The following ECPAS variants were observed in gnomAD, a reference collection of about 807,000 sequenced individuals.
The protein encoded by ECPAS is proteasome adapter and scaffold protein ECM29.
ECPAS carries 70 observed loss-of-function variants against 255.1 expected under a neutral mutation model. The ratio of observed to expected loss-of-function variants is 0.27; its 90% CI spans 0.23 to 0.33. The LOEUF (loss-of-function observed/expected upper bound fraction) is 0.33. Ranked by LOEUF, ECPAS falls within the 10% of genes least tolerant of loss-of-function variation. The probability of loss-of-function intolerance (pLI) is 1.00; values close to 1 mark genes in which losing one functional copy is unlikely to be tolerated. For synonymous variants in ECPAS, 784 were observed against 775.0 expected, an observed-to-expected ratio of 1.01 and a Z score of -0.19; for missense variants, 1,817 against 2,206.4, an observed-to-expected ratio of 0.82 and a Z score of 3.54.
chr9:111,383,351 G>A lies in ECPAS; in HGVS notation c.3682-19C>T. On this transcript the variant is annotated intron_variant, in intron 34 of 49. Transcript: ENST00000684092. ...CACAGACCTCACATACAAAGAGCAT[G>A]GACGTTAGTGAAAGTGACCGCGCAT... is the stretch of plus-strand genomic sequence containing the variant. The A allele has an allele frequency of 6.3e-7, 1 of 1,598,248 alleles. No individual in the cohort carries two copies. The highest frequency in any genetic ancestry group is 1.1e-5 in the South Asian group (1 of 89,022).
At chr9:111,465,282 G>A (rs957766700) in intron 2 of ECPAS, among the ~76,000 whole-genome samples, 6 of 152,152 alleles carry the variant, frequency 3.9e-5, no homozygotes, top group African/African-American at 1.2e-4. Context: ...GCTCATGCCT[G>A]TAATCCCAGC....
rs553353689 is a variant in ECPAS at position 111,384,690 on chromosome 9, T to C, written c.3634-121A>G. 8 of 835,796 alleles carry C rather than the reference T, an allele frequency of 9.6e-6. No individual in the cohort carries two copies. In the African/African-American group the frequency reaches 1.4e-4, roughly 14 times the overall value. 51.8% of individuals were successfully genotyped at this position (835,796 alleles called of 1,614,324 possible). A position where few individuals can be genotyped will look rare whatever the true frequency, so the allele number is the denominator to read the frequency against. ...ATTTGGTGGAAAATCTTACATTTCATATCATGTTAAAAAAATTGGTATCTC... is the reference window on the plus strand; with the variant it reads ...ATTTGGTGGAAAATCTTACATTTCACATCATGTTAAAAAAATTGGTATCTC... On this transcript the variant is annotated intron_variant, in intron 33 of 49. Transcript: ENST00000684092.
chr9:111,377,955 G>T (rs2131542911), intron 36 of ECPAS, among the ~76,000 whole-genome samples: 1 of 152,180 alleles, frequency 6.6e-6, no homozygotes. Flanking sequence ...GACCATCCTG[G>T]CTAACATGGT....
intron 2 of ECPAS, among the ~76,000 whole-genome samples, chr9:111,456,846 G>C (rs2098267554): frequency 6.6e-6 from 1 of 152,186 alleles, no homozygotes. Context: ...AGTGGAGAGG[G>C]AAGAGGCATG....
intron 2 of ECPAS, among the ~76,000 whole-genome samples, chr9:111,460,828 T>C (rs2010424036): frequency 6.6e-6 from 1 of 151,988 alleles, no homozygotes; most frequent in African/African-American, 2.4e-5. Context: ...GATTAGAAAA[T>C]ATTAATAAGA....
chr9:111,435,978 G>A (rs1015863908), intron 7 of ECPAS, among the ~76,000 whole-genome samples: 1 of 148,954 alleles, frequency 6.7e-6, no homozygotes, highest in African/African-American at 2.5e-5. Flanking sequence ...ATTAGCCACT[G>A]CGCCCGGCCT....
intron 24 of ECPAS, among the ~76,000 whole-genome samples, chr9:111,399,912 G>T (rs2098173171): frequency 6.6e-6 from 1 of 152,258 alleles, no homozygotes; most frequent in South Asian, 2.1e-4. Context: ...GCAGTCAGGT[G>T]GCCACAGGCC....
intron 18 of ECPAS, 124 bp from the exon 19 acceptor site, chr9:111,414,775 C>T: frequency 1.2e-6 from 1 of 822,586 alleles, no homozygotes; most frequent in Admixed American, 3.2e-5. Context: ...CTATTCCAAT[C>T]CTCATGGAAG....
At chr9:111,386,001 C>G (rs2098147763) in intron 32 of ECPAS, among the ~76,000 whole-genome samples, 1 of 152,150 alleles carries the variant, frequency 6.6e-6, no homozygotes, top group Admixed American at 6.5e-5. Flanking sequence ...ATTCTGTCGC[C>G]CAGGCTGGAG....
intron 9 of ECPAS, among the ~76,000 whole-genome samples, chr9:111,429,731 C>T (rs2098227079): frequency 1.3e-5 from 2 of 152,256 alleles, no homozygotes; most frequent in African/African-American, 4.8e-5. Flanking sequence ...CAGACAGGTG[C>T]AGTGGTGTGC....
Position 111,451,514 on chromosome 9 carries a change from T to A in ECPAS, c.64A>T (p.Thr22Ser). 1.3e-6 allele frequency: 2 copies of A among 1,576,906 alleles called. No homozygotes were observed. The highest frequency in any genetic ancestry group is 1.7e-6 in the Non-Finnish European group (2 of 1,160,838). The change falls in exon 3 of 50, where the codon ACA becomes TCA. Residue 22 changes from threonine to serine, a missense_variant. Physicochemically the swap from Thr to Ser is moderately conservative, Grantham distance 58 (BLOSUM62 1). Around this residue, in one of 4 missense-constraint regions of ECPAS, gnomAD observed 90 missense variants for 158.5 expected, o/e 0.57. Coordinates refer to ENST00000684092, the MANE Select transcript of ECPAS (RefSeq NM_001364929.1). ...RVFLRLGHAETDEQLQNIISK... is the reference protein window; with the variant it reads ...RVFLRLGHAESDEQLQNIISK... Reference sequence around the variant, plus strand: ...ATAATATTCTGTAATTGTTCATCTGTTTCAGCATGGCCAAGTCGTAAAAAG... The same window carrying A: ...ATAATATTCTGTAATTGTTCATCTGATTCAGCATGGCCAAGTCGTAAAAAG...
At chr9:111,455,930 G>A (rs1374153904) in intron 2 of ECPAS, among the ~76,000 whole-genome samples, 2 of 152,306 alleles carry the variant, frequency 1.3e-5, no homozygotes, top group East Asian at 3.9e-4. Flanking sequence ...ACAAATATAT[G>A]CTGAATCCTG....
At chr9:111,372,835 C>T (rs1231672801) in intron 41 of ECPAS, among the ~76,000 whole-genome samples, 1 of 152,066 alleles carries the variant, frequency 6.6e-6, no homozygotes, top group Non-Finnish European at 1.5e-5. Flanking sequence ...AGTTTAAGAC[C>T]AGCCTGGGCA....
intron 15 of ECPAS, among the ~76,000 whole-genome samples, chr9:111,421,411 G>A (rs200197147): frequency 2.1e-4 from 10 of 47,596 alleles, no homozygotes; most frequent in Non-Finnish European, 4.7e-4. Context: ...TTACATATAT[G>A]TGTGTGTGTG....
rs750605779 is a variant in ECPAS, at chr9:111,428,079, G to C, written c.1013C>G (p.Ser338Cys). 1.2e-6 allele frequency: 2 copies of C among 1,613,614 alleles called. No individual in the cohort carries two copies. The highest frequency in any genetic ancestry group is 1.7e-6 in the Non-Finnish European group (2 of 1,179,706). Reference sequence around the variant, plus strand: ...TGGGAACGTTTCAGCAGCTTGTCTAGAGCGGAGGAGATGGGGGACAATCTT... The same window carrying C: ...TGGGAACGTTTCAGCAGCTTGTCTACAGCGGAGGAGATGGGGGACAATCTT... ...KLKIVPHLLR[S>C]RQAAETFPAN... The change falls in exon 10 of 50, where the codon TCT becomes TGT. Residue 338 changes from serine to cysteine, a missense_variant. Ser to Cys is a moderately radical substitution (Grantham distance 112). Coordinates refer to ENST00000684092, the MANE Select transcript of ECPAS (RefSeq NM_001364929.1).
chr9:111,482,772 C>A (rs1181758753), intron 1 of ECPAS, among the ~76,000 whole-genome samples: 2 of 152,164 alleles, frequency 1.3e-5, no homozygotes, highest in Non-Finnish European at 2.9e-5. Context: ...CAGCGTGGGT[C>A]CGCGGCGCCC....
At chr9:111,405,387 T>C (rs1389959765) in intron 24 of ECPAS, among the ~76,000 whole-genome samples, 1 of 149,670 alleles carries the variant, frequency 6.7e-6, no homozygotes, top group African/African-American at 2.5e-5. Flanking sequence ...CTGGGCCCCT[T>C]TGTCTCACCA....
In ECPAS at chr9:111,378,666, G is replaced by A; in HGVS notation, c.3868C>T (p.Leu1290Phe). 2 of 1,613,896 alleles carry A rather than the reference G, an allele frequency of 1.2e-6. No homozygotes were observed. The highest frequency in any genetic ancestry group is 2.2e-5 in the East Asian group (1 of 44,866). The change falls in exon 36 of 50, where the codon CTC becomes TTC. Residue 1290 changes from leucine to phenylalanine, a missense_variant. Coordinates refer to ENST00000684092, the MANE Select transcript of ECPAS (RefSeq NM_001364929.1). ...GAMLKPHAPK[L>F]IPALLESLSV... ...AAGGACTCTAGCAGAGCTGGAATGAGTTTTGGTGCATGCGGTTTCAACATG... is the reference window on the plus strand; with the variant it reads ...AAGGACTCTAGCAGAGCTGGAATGAATTTTGGTGCATGCGGTTTCAACATG...
chr9:111,418,816 C>T (rs2098208508), intron 16 of ECPAS, among the ~76,000 whole-genome samples: 2 of 152,192 alleles, frequency 1.3e-5, no homozygotes, highest in Admixed American at 6.5e-5. Flanking sequence ...CATGAACTGA[C>T]ACCTTGGCTG....
Sources: allele counts gnomAD v4.1 joint callset (sites outside exome capture counted in the v4.1 genomes callset), GRCh38; gene constraint gnomAD v4.1.1; regional missense constraint gnomAD v4.1.1; transcripts MANE v1.5; gene names NCBI Gene and HGNC (gene_info 2026-07-23, HGNC 2026-07-21).